WNK1: variants seen among roughly 807,000 people sequenced by gnomAD.
The protein encoded by WNK1 is WNK lysine deficient protein kinase 1.
Under a neutral mutation model 222.8 loss-of-function variants are expected in WNK1, and 38 were observed. The observed-to-expected ratio is 0.17, with a 90% CI of 0.13 to 0.22. WNK1 has a LOEUF of 0.22. WNK1 is among the 10% of genes least tolerant of loss of function. The pLI is 1.00. For missense variants in WNK1, 2,348 were observed against 2,918.4 expected (o/e 0.80, Z 4.50); for synonymous variants, 1,090 against 1,092.9 (o/e 1.00, Z 0.05).
chr12:754,006 C>G lies in WNK1; in HGVS notation c.441C>G (p.Ala147=), dbSNP rs550323966. The G allele has an allele frequency of 6.3e-7, 1 of 1,586,848 alleles. No homozygotes were observed. Among genetic ancestry groups the G allele is most frequent in the Admixed American group, 1.8e-5 (1 of 54,944 alleles). The stretch of plus-strand genomic sequence containing the variant: ...CCGCTGCCGCCCCTGGGGAACAGGC[C>G]GTCGCGGGCCCTGCCCCCTCGACTG... The part of the protein sequence containing the change: ...PPAAAAPGEQ[A]VAGPAPSTVP... Residue 147 remains alanine, a synonymous_variant, in exon 1 of 28, where the codon GCC becomes GCG. Coordinates refer to ENST00000315939, the MANE Select transcript of WNK1 (RefSeq NM_018979.4).
intron 26 of WNK1, 134 bp downstream of exon 26, chr12:900,804 G>C (rs551204233): frequency 2.8e-5 from 30 of 1,080,912 alleles, no homozygotes; most frequent in Non-Finnish European, 3.5e-5. Context: ...TGAAGAATCT[G>C]GGTGAAAAGG....
Position 884,344 on chromosome 12 carries a change from T to TA in WNK1, c.3844+107dup. On this transcript the variant is annotated intron_variant, in intron 18 of 27. Transcript: ENST00000315939. The surrounding 1 kb of genome is among the most constrained non-coding windows in gnomAD (Gnocchi z 5.6). Reference sequence around the variant, plus strand: ...CAGTAATTTATGATGACACAGATAATAAAAAAGAATAGAAAACTGAAGTTA... The same window carrying TA: ...CAGTAATTTATGATGACACAGATAATAAAAAAAGAATAGAAAACTGAAGTTA... 2 of 1,536,738 alleles carry TA rather than the reference T, an allele frequency of 1.3e-6. No individual in the cohort carries two copies. Among genetic ancestry groups the TA allele is most frequent in the Non-Finnish European group, 1.8e-6 (2 of 1,117,490 alleles).
chr12:855,473 TTTTATGTATTTCA>T (rs1386054922), intron 4 of WNK1, among the ~76,000 whole-genome samples: 1 of 152,246 alleles, frequency 6.6e-6, no homozygotes, highest in Admixed American at 6.5e-5. Flanking sequence ...GAGCTTATCA[TTTTATGTATTTCA>T]TTTATTTCAT....
At position 753,638 on chromosome 12, in the gene WNK1, C is replaced by G. The variant is rs1426927147; in HGVS notation, c.73C>G (p.Pro25Ala). The G allele has an allele frequency of 6.2e-7, 1 of 1,612,622 alleles. No individual in the cohort carries two copies. Among genetic ancestry groups the G allele is most frequent in the Non-Finnish European group, 8.5e-7 (1 of 1,179,930 alleles). Reference protein sequence around the residue: ...SLFLSPPAPAPKNGSSSDSSV... With the variant: ...SLFLSPPAPAAKNGSSSDSSV... ...GTTCCTCTCGCCGCCGGCTCCTGCC[C>G]CCAAGAATGGCTCCAGCTCCGATTC... Residue 25 changes from proline (P) to alanine (A), a missense_variant, in exon 1 of 28, where the codon CCC becomes GCC. Coordinates refer to ENST00000315939, the MANE Select transcript of WNK1 (RefSeq NM_018979.4). This position sits in a 1 kb window ranked among gnomAD's most constrained non-coding sequence, Gnocchi z 5.2.
At chr12:874,143 A>G (rs1370877240) in intron 9 of WNK1, among the ~76,000 whole-genome samples, 1 of 151,880 alleles carries the variant, frequency 6.6e-6, no homozygotes, top group Non-Finnish European at 1.5e-5. Flanking sequence ...GCAACAGAGC[A>G]TGACTCATCT....
At chr12:895,090 T>C (rs1954624179) in intron 23 of WNK1, among the ~76,000 whole-genome samples, 2 of 152,242 alleles carry the variant, frequency 1.3e-5, no homozygotes, top group Non-Finnish European at 1.5e-5. Flanking sequence ...GTTTTCCACG[T>C]TTAAAATAAT....
chr12:885,712 T>G lies in WNK1; in HGVS notation c.4908T>G (p.Pro1636=). ...CCAACCAGCCCCATACTCATTGTCC[T>G]GAAGTAGATTCTGATACACAACCCA... ...LLPNQPHTHC[P]EVDSDTQPKA... is the part of the protein sequence containing the mutation. The change falls in exon 19 of 28, where the codon CCT becomes CCG. Residue 1636 remains proline (P), a synonymous_variant. Coordinates refer to ENST00000315939, the MANE Select transcript of WNK1 (RefSeq NM_018979.4). 6.2e-7 allele frequency: 1 copy of G among 1,614,196 alleles called. No homozygotes were observed. The highest frequency in any genetic ancestry group is 8.5e-7 in the Non-Finnish European group (1 of 1,180,030).
At chr12:793,816 C>T (rs756202654) in intron 1 of WNK1, among the ~76,000 whole-genome samples, 4 of 152,082 alleles carry the variant, frequency 2.6e-5, no homozygotes, top group Non-Finnish European at 5.9e-5. Flanking sequence ...TTAAAATATA[C>T]AATTCAGTGG....
chr12:864,960 A>T, intron 8 of WNK1: 1 of 904,764 alleles, frequency 1.1e-6, no homozygotes, highest in Non-Finnish European at 1.6e-6. Flanking sequence ...ATGTTGAGTT[A>T]TAGCTCTCCT....
chr12:792,133 C>G (rs894272374), intron 1 of WNK1, among the ~76,000 whole-genome samples: 13 of 151,934 alleles, frequency 8.6e-5, no homozygotes, highest in African/African-American at 2.2e-4. Flanking sequence ...GAGAGCTTGT[C>G]AAGGCAAAGT....
At chr12:778,990 G>A (rs1277105123) in intron 1 of WNK1, among the ~76,000 whole-genome samples, 5 of 152,122 alleles carry the variant, frequency 3.3e-5, no homozygotes, top group African/African-American at 1.2e-4. Context: ...ATAATGGGGA[G>A]TATTGTTTGA....
intron 9 of WNK1, among the ~76,000 whole-genome samples, chr12:874,478 C>T (rs987516453): frequency 1.3e-5 from 2 of 152,130 alleles, no homozygotes; most frequent in Non-Finnish European, 2.9e-5. Flanking sequence ...TCTCAGTTGT[C>T]TTAAGCAAAG....
At chr12:767,234 G>GTTTTTTTGTTT (rs1941840540) in intron 1 of WNK1, among the ~76,000 whole-genome samples, 1 of 70,860 alleles carries the variant, frequency 1.4e-5, no homozygotes, top group African/African-American at 6.4e-5. Context: ...GGGTTGATAG[G>GTTTTTTTGTTT]TTTTTTTTTT....
rs931070850 is a variant in WNK1 at position 754,039 on chromosome 12, C to G, written c.474C>G (p.Ser158Arg). 6.3e-7 allele frequency: 1 copy of G among 1,594,174 alleles called. No homozygotes were observed. The highest frequency in any genetic ancestry group is 1.8e-5 in the Admixed American group (1 of 55,848). Residue 158 changes from serine to arginine, a missense_variant, in exon 1 of 28, where the codon AGC (serine) becomes AGG (arginine). This residue lies in a region of WNK1 where 185 missense variants were observed against 159.2 expected (regional missense o/e 1.16). Coordinates refer to ENST00000315939, the MANE Select transcript of WNK1 (RefSeq NM_018979.4). ...VAGPAPSTVP[S>R]STSKDRPVSQ... Reference sequence around the variant, plus strand: ...GCCCTGCCCCCTCGACTGTCCCCAGCAGTACCAGCAAAGACCGCCCAGTGT... The same window carrying G: ...GCCCTGCCCCCTCGACTGTCCCCAGGAGTACCAGCAAAGACCGCCCAGTGT...
chr12:879,514 T>TTTTTTTTTTTTTTTTTTTTTTTTTTG, intron 10 of WNK1, 59 bp from the exon 11 acceptor site: 2 of 43,856 alleles, frequency 4.6e-5, no homozygotes, highest in African/African-American at 9.8e-5. Flanking sequence ...GCAGCCTTGC[T>TTTTTTTTTTTTTTTTTTTTTTTTTTG]TTTTTTTTTT....
At chr12:778,458 G>A (rs1943348781) in intron 1 of WNK1, among the ~76,000 whole-genome samples, 1 of 151,722 alleles carries the variant, frequency 6.6e-6, no homozygotes, top group Non-Finnish European at 1.5e-5. Flanking sequence ...TCAGCCTTCC[G>A]AGTAGCTGGG....
chr12:825,344 T>A (rs1040613745), intron 2 of WNK1, among the ~76,000 whole-genome samples: 13 of 152,252 alleles, frequency 8.5e-5, no homozygotes, highest in African/African-American at 3.1e-4. Context: ...GATCTGGATC[T>A]CTGCATGTTT....
chr12:791,555 C>CTTT (rs746932275), intron 1 of WNK1, among the ~76,000 whole-genome samples: 1 of 88,438 alleles, frequency 1.1e-5, no homozygotes, highest in Admixed American at 1.3e-4. Context: ...GAGAGAGCTT[C>CTTT]TTTTTTAAAA....
Position 884,544 on chromosome 12 carries a change from T to C in WNK1, c.3845-105T>C. On this transcript the variant is annotated intron_variant, in intron 18 of 27. Transcript: ENST00000315939. The surrounding 1 kb of genome is among the most constrained non-coding windows in gnomAD (Gnocchi z 5.6). ...TGTTTTAAGATTACTCCATATTTTT[T>C]ATCAAAAACAGATATTTATAGGAGC... 1 of 1,204,860 alleles carries C rather than the reference T, an allele frequency of 8.3e-7. No individual in the cohort carries two copies. Among genetic ancestry groups the C allele is most frequent in the South Asian group, 1.3e-5 (1 of 78,444 alleles). 74.6% of individuals were successfully genotyped at this position (1,204,860 alleles called of 1,614,324 possible). A position where few individuals can be genotyped will look rare whatever the true frequency, so the allele number is the denominator to read the frequency against.
Sources: gnomAD v4.1 joint callset for allele counts (sites outside exome capture counted in the v4.1 genomes callset) on GRCh38, gnomAD v4.1.1 for gene constraint, gnomAD v4.1.1 regional missense constraint, Gnocchi (gnomAD v3.1) non-coding constraint, MANE v1.5 for transcripts, NCBI Gene and HGNC (gene_info 2026-07-23, HGNC 2026-07-21) for gene names.